Variants in GALNT18 observed in about 807,000 individuals in gnomAD.
The protein encoded by GALNT18 is GalNAc-transferase 18.
A neutral mutation model predicts 69.5 loss-of-function variants in GALNT18; 44 were observed. The observed-to-expected ratio is 0.63, with a 90% CI of 0.50 to 0.81. The LOEUF (loss-of-function observed/expected upper bound fraction) is 0.81, where lower values mean the gene tolerates loss of function less well. GALNT18 is among the 40% of genes least tolerant of loss of function. GALNT18 has a pLI of 0.00. For synonymous variants in GALNT18, 364 were observed against 318.2 expected (o/e 1.14, Z -1.53); for missense variants, 715 against 810.0 (o/e 0.88, Z 1.42).
chr11:11,408,781 C>A (rs1327889697), intron 3 of GALNT18, among the ~76,000 whole-genome samples: 1 of 152,120 alleles, frequency 6.6e-6, no homozygotes, highest in African/African-American at 2.4e-5. Context: ...CCACCCTCAC[C>A]CCTGACCATA....
intron 10 of GALNT18, among the ~76,000 whole-genome samples, chr11:11,290,397 G>T (rs1351656890): frequency 6.6e-6 from 1 of 152,150 alleles, no homozygotes; most frequent in African/African-American, 2.4e-5. Flanking sequence ...CAAAATCCCA[G>T]ACCTAAACAT....
At chr11:11,357,755 T>C (rs931654766) in intron 6 of GALNT18, among the ~76,000 whole-genome samples, 1 of 152,020 alleles carries the variant, frequency 6.6e-6, no homozygotes, top group Non-Finnish European at 1.5e-5. Context: ...TTGGGAGGGG[T>C]AAATGACATA....
chr11:11,523,449 C>T lies in GALNT18; in HGVS notation c.236-74513G>A, dbSNP rs1211290561. Among the ~76,000 whole-genome samples, 2 of 152,064 alleles carry T rather than the reference C, an allele frequency of 1.3e-5. No individual in the cohort carries two copies. The highest frequency in any genetic ancestry group is 2.9e-5 in the Non-Finnish European group (2 of 68,012). On this transcript the variant is annotated intron_variant, in intron 1 of 10. Coordinates refer to ENST00000227756, the MANE Select transcript of GALNT18 (RefSeq NM_198516.3). This position sits in a 1 kb window ranked among gnomAD's most constrained non-coding sequence, Gnocchi z 4.3. Reference sequence around the variant, plus strand: ...AAGAAGTCTGGTTTCAAAGCTAATGCTCTTAAAATTCTTACACCGTGCCAC... The same window carrying T: ...AAGAAGTCTGGTTTCAAAGCTAATGTTCTTAAAATTCTTACACCGTGCCAC...
At chr11:11,462,285 T>TG (rs1486636915) in intron 1 of GALNT18, among the ~76,000 whole-genome samples, 1 of 135,062 alleles carries the variant, frequency 7.4e-6, no homozygotes. Context: ...TTTTTTTTTT[T>TG]TTTTCCTTTG....
At chr11:11,376,945 C>T (rs1440339466) in intron 5 of GALNT18, among the ~76,000 whole-genome samples, 1 of 152,182 alleles carries the variant, frequency 6.6e-6, no homozygotes, top group Non-Finnish European at 1.5e-5. Flanking sequence ...GTGGTTGGCG[C>T]CCAGCAGACG....
rs373627080 is a variant in GALNT18 at position 11,403,080 on chromosome 11, C to G, written c.596-23816G>C. On this transcript the variant is annotated intron_variant, in intron 3 of 10. Coordinates refer to ENST00000227756, the MANE Select transcript of GALNT18 (RefSeq NM_198516.3). The stretch of plus-strand genomic sequence containing the variant: ...GAGATGAGAGGACACAGACAGGGAA[C>G]AAATCAGGGGTCTGTACAGCAGAGG... Among the ~76,000 whole-genome samples, 7 of 152,276 alleles carry G rather than the reference C, an allele frequency of 4.6e-5. No individual in the cohort carries two copies. The South Asian group carries it at 1.5e-3, about 32-fold the overall frequency.
intron 6 of GALNT18, among the ~76,000 whole-genome samples, chr11:11,351,761 C>CT (rs58753775): frequency 1.3e-5 from 2 of 148,958 alleles, no homozygotes; most frequent in African/African-American, 5.0e-5. Flanking sequence ...GAGCAATTTT[C>CT]TTTTTTTTTT....
Position 11,338,031 on chromosome 11 carries a change from G to C in GALNT18, c.1278+2788C>G, listed in dbSNP as rs984755546. ...CAGGCTGGAGTGAGTGCAGTGGCAC[G>C]ATCTCAGCTCACTGGGACCTCCGCC... On this transcript the variant is annotated intron_variant, in intron 7 of 10. Coordinates refer to ENST00000227756, the MANE Select transcript of GALNT18 (RefSeq NM_198516.3). The surrounding 1 kb of genome is among the most constrained non-coding windows in gnomAD (Gnocchi z 5.3). Among the ~76,000 whole-genome samples the C allele has an allele frequency of 6.8e-6, 1 of 146,582 alleles. No homozygotes were observed. The highest frequency in any genetic ancestry group is 2.0e-4 in the East Asian group (1 of 4,940).
At chr11:11,321,887 G>A (rs1158460888) in intron 9 of GALNT18, among the ~76,000 whole-genome samples, 1 of 152,210 alleles carries the variant, frequency 6.6e-6, no homozygotes, top group Admixed American at 6.5e-5. Context: ...TTACAGGCGT[G>A]AGCCACCACA....
rs966837692 is a variant in GALNT18, at chr11:11,389,342, G to A, written c.596-10078C>T. Among the ~76,000 whole-genome samples the A allele has an allele frequency of 2.6e-5, 4 of 152,196 alleles. No individual in the cohort carries two copies. The highest frequency in any genetic ancestry group is 6.5e-5 in the Admixed American group (1 of 15,286). Reference sequence around the variant, plus strand: ...CGTGTCCTCTATTTGTCCACCTTGAGTAATTTAGCAAATGGGAATGAGAAT... The same window carrying A: ...CGTGTCCTCTATTTGTCCACCTTGAATAATTTAGCAAATGGGAATGAGAAT... On this transcript the variant is annotated intron_variant, in intron 3 of 10. Transcript: ENST00000227756. This position sits in a 1 kb window ranked among gnomAD's most constrained non-coding sequence, Gnocchi z 4.3.
chr11:11,324,750 A>T (rs1033603697), intron 9 of GALNT18, among the ~76,000 whole-genome samples: 1 of 151,246 alleles, frequency 6.6e-6, no homozygotes, highest in Non-Finnish European at 1.5e-5. Flanking sequence ...TGATGAGAGT[A>T]TGTGTTTTTT....
intron 1 of GALNT18, among the ~76,000 whole-genome samples, chr11:11,507,555 T>C (rs1857089207): frequency 6.6e-6 from 1 of 152,226 alleles, no homozygotes; most frequent in African/African-American, 2.4e-5. Flanking sequence ...TTTTAGTTCT[T>C]ACATAGATCC....
intron 1 of GALNT18, among the ~76,000 whole-genome samples, chr11:11,503,512 C>T (rs1420161504): frequency 6.6e-6 from 1 of 152,166 alleles, no homozygotes; most frequent in South Asian, 2.1e-4. Flanking sequence ...AGGTGTTCAT[C>T]CATCCCATCA....
rs760618046 is a variant in GALNT18 at position 11,340,996 on chromosome 11, C to T, written c.1101G>A (p.Gln367=). The T allele has an allele frequency of 1.9e-6, 3 of 1,598,112 alleles. No homozygotes were observed. Among genetic ancestry groups the T allele is most frequent in the Admixed American group, 1.7e-5 (1 of 58,598 alleles). ...GCAGGACCTCCACACTCCCGCCACA[C>T]TGCCACACCTGCAGAAGACATGGAG... ...ENVELGIRVW[Q]CGGSVEVLPC... Residue 367 remains glutamine (Q), a synonymous_variant, in exon 7 of 11, where the codon CAG becomes CAA. Coordinates refer to ENST00000227756, the MANE Select transcript of GALNT18 (RefSeq NM_198516.3). The surrounding 1 kb of genome is among the most constrained non-coding windows in gnomAD (Gnocchi z 4.2).
At chr11:11,343,252 G>T (rs1289816272) in intron 6 of GALNT18, among the ~76,000 whole-genome samples, 1 of 152,104 alleles carries the variant, frequency 6.6e-6, no homozygotes, top group Non-Finnish European at 1.5e-5. Flanking sequence ...GAGGGTTGAG[G>T]CAGGAGGATC....
At chr11:11,345,835 G>A (rs189506178) in intron 6 of GALNT18, among the ~76,000 whole-genome samples, 40 of 152,224 alleles carry the variant, frequency 2.6e-4, no homozygotes, top group African/African-American at 7.7e-4. Context: ...CAGGGAACAG[G>A]GCACAGGAAG....
chr11:11,340,971 G>T lies in GALNT18; in HGVS notation c.1126C>A (p.Pro376Thr). The T allele has an allele frequency of 1.2e-6, 2 of 1,610,988 alleles. No homozygotes were observed. The highest frequency in any genetic ancestry group is 1.7e-6 in the Non-Finnish European group (2 of 1,178,148). ...TCAATGTGGGCAATCCGTGAGCAGG[G>T]CAGGACCTCCACACTCCCGCCACAC... ...WQCGGSVEVLPCSRIAHIERA... is the reference protein window; with the variant it reads ...WQCGGSVEVLTCSRIAHIERA... Residue 376 changes from proline to threonine, a missense_variant, in exon 7 of 11, where the codon CCC becomes ACC. By Grantham distance (38) the Pro-to-Thr change is conservative. Transcript: ENST00000227756. This position sits in a 1 kb window ranked among gnomAD's most constrained non-coding sequence, Gnocchi z 4.2.
rs61477736 is a variant in GALNT18 at position 11,490,234 on chromosome 11, A to AACACACAC, written c.236-41306_236-41299dup. On this transcript the variant is annotated intron_variant, in intron 1 of 10. Coordinates refer to ENST00000227756, the MANE Select transcript of GALNT18 (RefSeq NM_198516.3). Reference sequence around the variant, plus strand: ...TCTCTCTCTCTCTCTCTCTCTCTCTAACACACACACACACACACACACACA... The same window carrying AACACACAC: ...TCTCTCTCTCTCTCTCTCTCTCTCTAACACACACACACACACACACACACACACACACA... Among the ~76,000 whole-genome samples the AACACACAC allele has an allele frequency of 1.5e-3, 183 of 125,136 alleles. 1 individual carries two copies. The highest frequency in any genetic ancestry group is 4.9e-3 in the African/African-American group (162 of 32,904). 82.1% of individuals were successfully genotyped at this position (125,136 alleles called of 152,430 possible).
intron 1 of GALNT18, among the ~76,000 whole-genome samples, chr11:11,529,636 TATAC>T (rs55933835): frequency 0.39 from 54,889 of 141,076 alleles, 10,486 homozygotes; most frequent in East Asian, 0.75. Flanking sequence ...TATATATATA[TATAC>T]ACACACACAC....
Sources: gnomAD v4.1 joint callset for allele counts (sites outside exome capture counted in the v4.1 genomes callset) on GRCh38, gnomAD v4.1.1 for gene constraint, Gnocchi (gnomAD v3.1) non-coding constraint, MANE v1.5 for transcripts, NCBI Gene and HGNC (gene_info 2026-07-23, HGNC 2026-07-21) for gene names.